DESI2: variants seen among roughly 807,000 people sequenced by gnomAD.
DESI2 encodes desumoylating isopeptidase 2.
DESI2 carries 10 observed loss-of-function variants against 24.1 expected under a neutral mutation model. That is an observed-to-expected ratio of 0.41 (90% CI 0.26 to 0.70). DESI2 has a LOEUF of 0.70. Among genes scored for constraint, DESI2 ranks in the 30% least tolerant of loss-of-function variants. The probability of loss-of-function intolerance (pLI) is 0.29; values close to 1 mark genes in which losing one functional copy is unlikely to be tolerated. For synonymous variants in DESI2, 71 were observed against 87.7 expected, an observed-to-expected ratio of 0.81 and a Z score of 1.06; for missense variants, 122 against 234.9, an observed-to-expected ratio of 0.52 and a Z score of 3.14.
intron 4 of DESI2, 74 bp downstream of exon 4, chr1:244,692,094 T>C: frequency 7.8e-7 from 1 of 1,281,668 alleles, no homozygotes; most frequent in Non-Finnish European, 1.1e-6. Flanking sequence ...TCCCACTATA[T>C]TCGATCTTGA....
At chr1:244,661,224 G>C (rs1028500753) in intron 1 of DESI2, among the ~76,000 whole-genome samples, 6 of 152,000 alleles carry the variant, frequency 3.9e-5, no homozygotes, top group African/African-American at 1.4e-4. Context: ...TTCTGTCTCT[G>C]TGCATTTGAC....
At chr1:244,684,783 T>A (rs1464292644) in intron 1 of DESI2, among the ~76,000 whole-genome samples, 1 of 152,232 alleles carries the variant, frequency 6.6e-6, no homozygotes, top group Non-Finnish European at 1.5e-5. Flanking sequence ...AGTATTTCTA[T>A]AGAATAGATT....
chr1:244,670,958 A>G, intron 1 of DESI2, among the ~76,000 whole-genome samples: 1 of 152,236 alleles, frequency 6.6e-6, no homozygotes, highest in East Asian at 1.9e-4. Context: ...CGCTCTTGGA[A>G]TCTAAACTGG....
At chr1:244,672,896 TAATAGC>T (rs1196892660) in intron 1 of DESI2, among the ~76,000 whole-genome samples, 2 of 151,824 alleles carry the variant, frequency 1.3e-5, no homozygotes, top group Admixed American at 1.3e-4. Flanking sequence ...ATAATAATAA[TAATAGC>T]AGTTATTTCA....
At chr1:244,694,375 TA>T in intron 4 of DESI2, 1 of 629,368 alleles carries the variant, frequency 1.6e-6, no homozygotes. Context: ...TTAGTATTCA[TA>T]AAATTTTTTT....
intron 1 of DESI2, among the ~76,000 whole-genome samples, chr1:244,673,995 T>C (rs1395578930): frequency 7.1e-6 from 1 of 141,758 alleles, no homozygotes; most frequent in Non-Finnish European, 1.5e-5. Flanking sequence ...GTCTCTTTTT[T>C]TTTTTTTTTT....
intron 2 of DESI2, among the ~76,000 whole-genome samples, chr1:244,687,401 A>G (rs1268941934): frequency 6.6e-6 from 1 of 152,218 alleles, no homozygotes. Context: ...TGGTCTGCGT[A>G]AGACAGATCA....
At chr1:244,695,351 C>A (rs777042202) in intron 4 of DESI2, among the ~76,000 whole-genome samples, 6 of 152,196 alleles carry the variant, frequency 3.9e-5, no homozygotes, top group Non-Finnish European at 7.3e-5. Flanking sequence ...ATCTAAATGT[C>A]TTTTTAAAAT....
At chr1:244,657,964 A>T (rs528930016) in intron 1 of DESI2, among the ~76,000 whole-genome samples, 2 of 152,258 alleles carry the variant, frequency 1.3e-5, no homozygotes, top group South Asian at 2.1e-4. Flanking sequence ...CTTTATGGTG[A>T]GTTGTGGGTG....
intron 1 of DESI2, among the ~76,000 whole-genome samples, chr1:244,675,212 A>G (rs755209861): frequency 1.7e-4 from 26 of 152,078 alleles, no homozygotes; most frequent in Non-Finnish European, 4.4e-5. Context: ...TTGTCGGTAT[A>G]TGACTTGCCA....
chr1:244,653,181 C>A lies in DESI2; in HGVS notation c.-133C>A. The stretch of plus-strand genomic sequence containing the variant: ...GCTCGGCTGCCCGATGCTTCCGCCC[C>A]GGCTGCCGCGGGCCGGGCTGTACGC... On this transcript the variant is annotated 5_prime_UTR_variant, in exon 1 of 5. Transcript: ENST00000302550. The A allele has an allele frequency of 1.1e-6, 1 of 912,832 alleles. No homozygotes were observed. Among genetic ancestry groups the A allele is most frequent in the Non-Finnish European group, 1.5e-6 (1 of 675,160 alleles). The allele number at this position is 912,832 out of a possible 1,614,324, so 56.5% of individuals were successfully genotyped here. A position where few individuals can be genotyped will look rare whatever the true frequency, so the allele number is the denominator to read the frequency against.
At chr1:244,684,994 A>G (rs929226112) in intron 1 of DESI2, among the ~76,000 whole-genome samples, 1 of 152,220 alleles carries the variant, frequency 6.6e-6, no homozygotes, top group African/African-American at 2.4e-5. Flanking sequence ...CTAACTTGCC[A>G]TCCAAATTCT....
intron 4 of DESI2, among the ~76,000 whole-genome samples, chr1:244,696,462 A>G (rs985421494): frequency 1.3e-5 from 2 of 152,200 alleles, no homozygotes; most frequent in African/African-American, 4.8e-5. Flanking sequence ...TCTACAAAAA[A>G]TACAAAAATT....
intron 1 of DESI2, among the ~76,000 whole-genome samples, chr1:244,683,842 A>G (rs1189200930): frequency 6.6e-6 from 1 of 150,814 alleles, no homozygotes; most frequent in African/African-American, 2.4e-5. Context: ...TCAGCCTCCC[A>G]AGTAGCTAGG....
intron 4 of DESI2, among the ~76,000 whole-genome samples, chr1:244,694,045 G>A (rs575272367): frequency 1.2e-4 from 18 of 152,300 alleles, no homozygotes; most frequent in African/African-American, 4.1e-4. Flanking sequence ...ATAGTGTGGG[G>A]ACGTATGTCA....
At chr1:244,666,869 C>T (rs1235061980) in intron 1 of DESI2, among the ~76,000 whole-genome samples, 4 of 151,992 alleles carry the variant, frequency 2.6e-5, no homozygotes, top group African/African-American at 9.7e-5. Context: ...GCACTTGTTA[C>T]GTGGTGGCAG....
At chr1:244,700,229 GA>G (rs1169915753) in intron 4 of DESI2, among the ~76,000 whole-genome samples, 1 of 152,128 alleles carries the variant, frequency 6.6e-6, no homozygotes, top group Non-Finnish European at 1.5e-5. Context: ...CCTCGAGGTG[GA>G]AAAACTGGGT....
At chr1:244,669,522 T>C (rs1676170466) in intron 1 of DESI2, among the ~76,000 whole-genome samples, 1 of 151,806 alleles carries the variant, frequency 6.6e-6, no homozygotes, top group African/African-American at 2.4e-5. Flanking sequence ...CTACTAAAAA[T>C]ACAAAATTAG....
At chr1:244,666,458 CCATT>C (rs1227484247) in intron 1 of DESI2, among the ~76,000 whole-genome samples, 2 of 152,074 alleles carry the variant, frequency 1.3e-5, no homozygotes, top group African/African-American at 4.8e-5. Context: ...TTTATAGTCC[CCATT>C]CATTCAAACT....
Sources: allele counts gnomAD v4.1 joint callset (sites outside exome capture counted in the v4.1 genomes callset), GRCh38; gene constraint gnomAD v4.1.1; transcripts MANE v1.5; gene names NCBI Gene and HGNC (gene_info 2026-07-23, HGNC 2026-07-21).